The following BRD10 variants were observed in gnomAD, a reference collection of about 807,000 sequenced individuals.
BRD10 encodes bromodomain containing 10.
chr9:5,911,692 GC>G, the BRD10 span, among the ~76,000 whole-genome samples: 947 of 151,824 alleles, frequency 6.2e-3, 3 homozygotes, highest in Non-Finnish European at 0.01. Flanking sequence ...GTGCCCCCAT[GC>G]CCAGCTAATT....
At chr9:5,987,105 T>C in the BRD10 span, among the ~76,000 whole-genome samples, 1 of 152,208 alleles carries the variant, frequency 6.6e-6, no homozygotes, top group East Asian at 1.9e-4. Flanking sequence ...GGATAAATGC[T>C]GAATACAAGG....
the BRD10 span, among the ~76,000 whole-genome samples, chr9:5,959,258 C>T: frequency 2.6e-5 from 4 of 152,138 alleles, no homozygotes; most frequent in East Asian, 7.7e-4. Flanking sequence ...CATCTTACCC[C>T]TGCCAGCTTC....
chr9:5,931,745 C>A, the BRD10 span, among the ~76,000 whole-genome samples: 1 of 152,104 alleles, frequency 6.6e-6, no homozygotes, highest in Non-Finnish European at 1.5e-5. Flanking sequence ...ATAGAAAAGA[C>A]TGATAAAATG....
the BRD10 span, among the ~76,000 whole-genome samples, chr9:5,962,041 T>C: frequency 2.6e-5 from 4 of 152,202 alleles, no homozygotes; most frequent in African/African-American, 9.6e-5. Context: ...TGTTTGCTCT[T>C]GCTTTTCTAG....
chr9:6,007,415 C>T, the BRD10 span: 1 of 1,607,588 alleles, frequency 6.2e-7, no homozygotes, highest in Non-Finnish European at 8.5e-7. Context: ...GCGCGACCGC[C>T]CCGGCCCCCG....
At chr9:5,929,858 G>A in the BRD10 span, among the ~76,000 whole-genome samples, 4 of 152,052 alleles carry the variant, frequency 2.6e-5, 1 homozygote, top group Admixed American at 2.6e-4. Context: ...GGCTCATAGA[G>A]ATTAAATGAC....
the BRD10 span, among the ~76,000 whole-genome samples, chr9:5,989,700 T>C: frequency 3.3e-5 from 5 of 151,994 alleles, no homozygotes; most frequent in Non-Finnish European, 7.4e-5. Flanking sequence ...TGGCTAACTT[T>C]TGTAATTTTG....
chr9:5,946,668 T>C, the BRD10 span, among the ~76,000 whole-genome samples: 2 of 152,152 alleles, frequency 1.3e-5, no homozygotes, highest in African/African-American at 2.4e-5. Context: ...CTTGGTGTAC[T>C]TGTTAATATC....
chr9:5,883,414 C>G, the BRD10 span, among the ~76,000 whole-genome samples: 1 of 149,598 alleles, frequency 6.7e-6, no homozygotes, highest in Non-Finnish European at 1.5e-5. Flanking sequence ...TCCATGAATT[C>G]TTGCTACCTG....
chr9:5,968,159 TTC>T, the BRD10 span: 1 of 1,599,584 alleles, frequency 6.3e-7, no homozygotes, highest in Non-Finnish European at 8.5e-7. Context: ...ATCTTTCAAT[TTC>T]TTTTTTTTCT....
At chr9:5,922,242 A>T in the BRD10 span, 1 of 1,614,000 alleles carries the variant, frequency 6.2e-7, no homozygotes, top group Non-Finnish European at 8.5e-7. Flanking sequence ...AAACAGTTGA[A>T]GGAACTACCA....
At chr9:5,996,781 A>G in the BRD10 span, among the ~76,000 whole-genome samples, 1 of 152,230 alleles carries the variant, frequency 6.6e-6, no homozygotes, top group African/African-American at 2.4e-5. Context: ...AAGTGTGATA[A>G]GCATTTTTAG....
At chr9:6,008,354 T>G in the BRD10 span, 1 of 981,300 alleles carries the variant, frequency 1.0e-6, no homozygotes, top group Non-Finnish European at 1.2e-6. Context: ...GAAGCCCCGC[T>G]GGGCGGTGAG....
chr9:5,906,851 C>G, the BRD10 span: 1 of 1,357,388 alleles, frequency 7.4e-7, no homozygotes, highest in African/African-American at 1.5e-5. Context: ...GTTACTTCTT[C>G]TCACCCACTC....
At chr9:5,954,105 T>C in the BRD10 span, 2 of 1,486,486 alleles carry the variant, frequency 1.3e-6, no homozygotes, top group African/African-American at 1.4e-5. Context: ...CCTTTCAAGA[T>C]TAAAAGAGAA....
chr9:5,921,892 A>G, the BRD10 span: 1 of 1,613,884 alleles, frequency 6.2e-7, no homozygotes, highest in East Asian at 2.2e-5. Flanking sequence ...TAAGTTTGAG[A>G]TTTTTCCCCA....
At chr9:5,955,913 T>G in the BRD10 span, among the ~76,000 whole-genome samples, 1 of 152,146 alleles carries the variant, frequency 6.6e-6, no homozygotes. Flanking sequence ...ATTCCTAAAC[T>G]GAGTGCCATA....
the BRD10 span, among the ~76,000 whole-genome samples, chr9:5,965,426 A>G: frequency 7.2e-5 from 11 of 152,354 alleles, 1 homozygote; most frequent in South Asian, 2.3e-3. Flanking sequence ...AGAAGTTCAG[A>G]AGATTTTGAA....
chr9:6,002,185 G>A, the BRD10 span, among the ~76,000 whole-genome samples: 1 of 152,116 alleles, frequency 6.6e-6, no homozygotes, highest in Non-Finnish European at 1.5e-5. Flanking sequence ...ACCTGTTGGG[G>A]GTGGGGACTG....
Sources: gnomAD v4.1 joint callset for allele counts (sites outside exome capture counted in the v4.1 genomes callset) on GRCh38, gnomAD v4.1.1 for gene constraint, MANE v1.5 for transcripts, NCBI Gene and HGNC (gene_info 2026-07-23, HGNC 2026-07-21) for gene names.